CEP70: variants seen among roughly 807,000 people sequenced by gnomAD.
CEP70 encodes the protein centrosomal protein 70.
A neutral mutation model predicts 90.9 loss-of-function variants in CEP70; 70 were observed. The ratio of observed to expected loss-of-function variants is 0.77; its 90% CI spans 0.64 to 0.94. The LOEUF (loss-of-function observed/expected upper bound fraction) is 0.94. Ranked by LOEUF, CEP70 falls within the 40% of genes least tolerant of loss-of-function variation. CEP70 has a pLI of 0.00. For synonymous variants in CEP70, 220 were observed against 228.3 expected (o/e 0.96, Z 0.33); for missense variants, 648 against 669.0 (o/e 0.97, Z 0.35).
At chr3:138,534,832 G>GT (rs2107794068) in intron 7 of CEP70, among the ~76,000 whole-genome samples, 1 of 152,258 alleles carries the variant, frequency 6.6e-6, no homozygotes, top group South Asian at 2.1e-4. Flanking sequence ...TTCAAATGTA[G>GT]TTTAAAAACT....
intron 6 of CEP70, among the ~76,000 whole-genome samples, chr3:138,549,538 C>T (rs2039467708): frequency 1.3e-5 from 2 of 152,074 alleles, no homozygotes; most frequent in South Asian, 4.2e-4. Flanking sequence ...ACCCCCATGC[C>T]CCACAGCAGC....
At chr3:138,567,657 A>G (rs1277022647) in intron 6 of CEP70, among the ~76,000 whole-genome samples, 1 of 151,994 alleles carries the variant, frequency 6.6e-6, no homozygotes, top group Non-Finnish European at 1.5e-5. Flanking sequence ...CCTTCCCACA[A>G]TTTGCTTCCC....
intron 3 of CEP70, among the ~76,000 whole-genome samples, chr3:138,571,610 CCAA>C (rs1470406526): frequency 2.0e-5 from 3 of 152,002 alleles, no homozygotes; most frequent in East Asian, 3.8e-4. Context: ...ATGGACAAAA[CCAA>C]CAACAACAAC....
chr3:138,551,663 T>C (rs761140305), intron 6 of CEP70, among the ~76,000 whole-genome samples: 3 of 151,494 alleles, frequency 2.0e-5, no homozygotes, highest in African/African-American at 4.9e-5. Flanking sequence ...GGAGAATCAC[T>C]TGAACCCAGG....
chr3:138,500,629 C>G (rs987645545), intron 14 of CEP70, 62 bp from the exon 15 acceptor site: 148 of 1,520,030 alleles, frequency 9.7e-5, no homozygotes, highest in Admixed American at 3.5e-4. Context: ...CAAATAAAAA[C>G]TTTTAAAAGA....
At chr3:138,496,371 A>G in intron 17 of CEP70, 1 of 985,454 alleles carries the variant, frequency 1.0e-6, no homozygotes, top group Non-Finnish European at 1.2e-6. Flanking sequence ...CTAACAAAGC[A>G]TCAAGATATG....
chr3:138,563,135 G>GCAA lies in CEP70; in HGVS notation c.465+7180_465+7182dup, dbSNP rs563403119. ...ATTGCATAATGGTAAAGGGATCAGT[G>GCAA]CAACAAGAGCTAACTATCCTAAATA... is the stretch of plus-strand genomic sequence containing the variant. On this transcript the variant is annotated intron_variant, in intron 6 of 17. Transcript: ENST00000264982. 5.6e-3 allele frequency among the ~76,000 whole-genome samples: 858 copies of GCAA among 151,974 alleles called. 7 individuals are homozygous for GCAA. Among genetic ancestry groups the GCAA allele is most frequent in the African/African-American group, 0.02 (827 of 41,466 alleles).
intron 11 of CEP70, among the ~76,000 whole-genome samples, chr3:138,509,594 ATCCGTAGTTTCATTT>A (rs2035328859): frequency 6.6e-6 from 1 of 152,162 alleles, no homozygotes; most frequent in Non-Finnish European, 1.5e-5. Context: ...GTACACGCTG[ATCCGTAGTTTCATTT>A]TCCATGGTTT....
intron 2 of CEP70, among the ~76,000 whole-genome samples, chr3:138,579,537 G>C (rs2041739648): frequency 1.3e-5 from 2 of 151,798 alleles, no homozygotes; most frequent in Admixed American, 1.3e-4. Flanking sequence ...GTCACAGTAG[G>C]ATAGGGCACT....
intron 6 of CEP70, 22 bp from the exon 7 acceptor site, chr3:138,537,369 C>T: frequency 6.6e-7 from 1 of 1,513,874 alleles, no homozygotes; most frequent in East Asian, 2.3e-5. Context: ...TTTTTAAAAA[C>T]ATGATTATGA....
At chr3:138,592,185 G>T (rs1017201434) in intron 1 of CEP70, among the ~76,000 whole-genome samples, 1 of 152,062 alleles carries the variant, frequency 6.6e-6, no homozygotes, top group African/African-American at 2.4e-5. Flanking sequence ...AAGACATTTA[G>T]CTGGGTATCC....
At chr3:138,589,268 A>T (rs1302136992) in intron 2 of CEP70, among the ~76,000 whole-genome samples, 1 of 152,244 alleles carries the variant, frequency 6.6e-6, no homozygotes, top group African/African-American at 2.4e-5. Context: ...TTGAAACTAC[A>T]AATGGAAAGA....
chr3:138,497,465 T>C, intron 17 of CEP70: 1 of 1,107,980 alleles, frequency 9.0e-7, no homozygotes, highest in Non-Finnish European at 1.1e-6. Context: ...ATATTTAAAC[T>C]AGATAAGGTC....
Position 138,500,437 on chromosome 3 carries a change from T to C in CEP70, c.1499A>G (p.Asn500Ser). 1 of 1,605,140 alleles carries C rather than the reference T, an allele frequency of 6.2e-7. No homozygotes were observed. The highest frequency in any genetic ancestry group is 1.3e-5 in the African/African-American group (1 of 74,432). Residue 500 changes from asparagine to serine, a missense_variant, in exon 15 of 18, where the codon AAC becomes AGC. Physicochemically the swap from Asn to Ser is conservative, Grantham distance 46 (BLOSUM62 1). Transcript: ENST00000264982. ...TTCTTGGAGGTTTCTCACAGCATTG[T>C]TCATTTCTCCAAGCCTAGTATAAAC... ...NEVYTRLGEM[N>S]NAVRNLQELL... is the part of the protein sequence containing the mutation.
intron 2 of CEP70, among the ~76,000 whole-genome samples, chr3:138,581,230 C>T (rs1298228672): frequency 1.3e-5 from 2 of 148,826 alleles, no homozygotes; most frequent in African/African-American, 2.5e-5. Context: ...TGCAGTGAGC[C>T]GAGATCCCGC....
Position 138,494,959 on chromosome 3 carries a change from CA to C in CEP70, c.*55del. ...TTGTCTCAAAATAAGATCAATCCTACAAAATACAAAATGTTAAGAATACAAT... is the reference window on the plus strand; with the variant it reads ...TTGTCTCAAAATAAGATCAATCCTACAAATACAAAATGTTAAGAATACAAT... On this transcript the variant is annotated 3_prime_UTR_variant, in exon 18 of 18. Transcript: ENST00000264982. 1.0e-6 allele frequency: 1 copy of C among 995,266 alleles called. No individual in the cohort carries two copies. 61.7% of individuals were successfully genotyped at this position (995,266 alleles called of 1,614,324 possible).
intron 2 of CEP70, among the ~76,000 whole-genome samples, chr3:138,589,491 GA>G (rs765699825): frequency 0.01 from 1,202 of 116,494 alleles, 9 homozygotes; most frequent in African/African-American, 0.03. Flanking sequence ...TGTCTCTCAA[GA>G]AAAAAAAAAA....
At chr3:138,535,404 C>T (rs1045656163) in intron 7 of CEP70, among the ~76,000 whole-genome samples, 2 of 152,180 alleles carry the variant, frequency 1.3e-5, no homozygotes, top group Non-Finnish European at 2.9e-5. Context: ...GTACATACCA[C>T]TATCTGCTTT....
chr3:138,533,686 G>C (rs750265689), intron 7 of CEP70, among the ~76,000 whole-genome samples: 1 of 152,166 alleles, frequency 6.6e-6, no homozygotes, highest in African/African-American at 2.4e-5. Context: ...TGTTAGGAGA[G>C]GAGGTTATTT....
Sources: gnomAD v4.1 joint callset for allele counts (sites outside exome capture counted in the v4.1 genomes callset) on GRCh38, gnomAD v4.1.1 for gene constraint, MANE v1.5 for transcripts, NCBI Gene and HGNC (gene_info 2026-07-23, HGNC 2026-07-21) for gene names.